UBE2D2: variants seen among roughly 807,000 people sequenced by gnomAD.
The protein encoded by UBE2D2 is ubiquitin-conjugating enzyme E2 D2.
Under a neutral mutation model 24.2 loss-of-function variants are expected in UBE2D2, and 2 were observed. The observed-to-expected ratio is 0.08, with a 90% confidence interval of 0.03 to 0.26. UBE2D2 has a LOEUF of 0.26. Among genes scored for constraint, UBE2D2 ranks in the 10% least tolerant of loss-of-function variants. The probability of loss-of-function intolerance (pLI) is 1.00; values close to 1 mark genes in which losing one functional copy is unlikely to be tolerated. For synonymous variants in UBE2D2, 58 were observed against 56.5 expected, an observed-to-expected ratio of 1.03 and a Z score of -0.12; for missense variants, 44 against 177.6, an observed-to-expected ratio of 0.25 and a Z score of 4.28.
chr5:139,541,340 G>A (rs1432631147), intron 1 of UBE2D2, among the ~76,000 whole-genome samples: 1 of 149,812 alleles, frequency 6.7e-6, no homozygotes, highest in African/African-American at 2.5e-5. Flanking sequence ...GGTGGCTCAC[G>A]CTTATAATCC....
intron 2 of UBE2D2, among the ~76,000 whole-genome samples, chr5:139,614,362 C>A (rs1030959736): frequency 2.6e-5 from 4 of 152,130 alleles, no homozygotes; most frequent in Non-Finnish European, 5.9e-5. Flanking sequence ...AGCCACCACA[C>A]CTGGCTCTAA....
At chr5:139,593,034 T>C (rs1489368727) in intron 1 of UBE2D2, among the ~76,000 whole-genome samples, 3 of 149,968 alleles carry the variant, frequency 2.0e-5, no homozygotes, top group African/African-American at 4.9e-5. Flanking sequence ...CTCGCTCTGT[T>C]ACCCAGGCTG....
chr5:139,547,633 C>T (rs1262033137), intron 1 of UBE2D2, among the ~76,000 whole-genome samples: 3 of 152,064 alleles, frequency 2.0e-5, no homozygotes, highest in Non-Finnish European at 4.4e-5. Context: ...CTCAGCCTTC[C>T]GAGTAGCTAG....
intron 1 of UBE2D2, among the ~76,000 whole-genome samples, chr5:139,550,683 C>T (rs546826486): frequency 1.3e-5 from 2 of 151,980 alleles, no homozygotes; most frequent in African/African-American, 4.8e-5. Context: ...AGCCTCAATC[C>T]TGAGGCCACC....
intron 6 of UBE2D2, 185 bp downstream of exon 6, chr5:139,623,646 T>A (rs529172408): frequency 2.2e-6 from 1 of 450,210 alleles, no homozygotes; most frequent in South Asian, 5.6e-5. Flanking sequence ...GCCAGTCTTA[T>A]CCCTGATTGT....
At chr5:139,541,006 G>A (rs1285118542) in intron 1 of UBE2D2, among the ~76,000 whole-genome samples, 1 of 147,980 alleles carries the variant, frequency 6.8e-6, no homozygotes, top group African/African-American at 2.5e-5. Flanking sequence ...AAAAAAAAAA[G>A]TCTGGATGCA....
upstream of UBE2D2, among the ~76,000 whole-genome samples, chr5:139,559,749 C>T (rs531310602): frequency 1.3e-5 from 2 of 152,192 alleles, no homozygotes; most frequent in Admixed American, 6.6e-5. Flanking sequence ...CTGCAAGGTC[C>T]TTTCTGGATG....
At chr5:139,529,477 A>C (rs1396057426) in intron 1 of UBE2D2, among the ~76,000 whole-genome samples, 1 of 152,220 alleles carries the variant, frequency 6.6e-6, no homozygotes, top group African/African-American at 2.4e-5. Flanking sequence ...AATCATATTT[A>C]TGCGAGATGT....
At chr5:139,601,886 C>T (rs1166504956) in intron 2 of UBE2D2, among the ~76,000 whole-genome samples, 15 of 140,948 alleles carry the variant, frequency 1.1e-4, no homozygotes, top group Non-Finnish European at 1.5e-4. Flanking sequence ...CTCCAGCCTG[C>T]GTGACAGAGT....
At chr5:139,561,906 C>A in intron 1 of UBE2D2, 91 bp downstream of exon 1, 1 of 1,421,746 alleles carries the variant, frequency 7.0e-7, no homozygotes, top group Non-Finnish European at 9.2e-7. Flanking sequence ...CTCGCGGCCT[C>A]CTTGGATCTT....
At chr5:139,594,442 C>A (rs573996882) in intron 1 of UBE2D2, among the ~76,000 whole-genome samples, 1 of 151,818 alleles carries the variant, frequency 6.6e-6, no homozygotes, top group East Asian at 1.9e-4. Context: ...TTTTGAGACA[C>A]AGTCTCTATT....
chr5:139,531,625 C>CAAAA (rs112323447), intron 1 of UBE2D2, among the ~76,000 whole-genome samples: 339 of 97,346 alleles, frequency 3.5e-3, no homozygotes, highest in African/African-American at 0.013. Context: ...AGACCCTATC[C>CAAAA]AAAAAAAAAA....
At chr5:139,591,881 A>G (rs1234253524) in intron 1 of UBE2D2, among the ~76,000 whole-genome samples, 1 of 152,160 alleles carries the variant, frequency 6.6e-6, no homozygotes, top group Admixed American at 6.6e-5. Context: ...TATAGTAATG[A>G]CAGACTGCTC....
chr5:139,553,068 C>T (rs1225663834), intron 1 of UBE2D2, among the ~76,000 whole-genome samples: 3 of 152,118 alleles, frequency 2.0e-5, no homozygotes, highest in Admixed American at 2.0e-4. Context: ...ATCCGCCCGC[C>T]TTGGCCTTCT....
At chr5:139,588,396 C>T (rs917178093) in intron 1 of UBE2D2, among the ~76,000 whole-genome samples, 1 of 152,118 alleles carries the variant, frequency 6.6e-6, no homozygotes, top group African/African-American at 2.4e-5. Flanking sequence ...CTGCCTCAGC[C>T]TCCCAAGTAG....
intron 6 of UBE2D2, among the ~76,000 whole-genome samples, chr5:139,625,179 T>C (rs1754590319): frequency 6.8e-6 from 1 of 147,602 alleles, no homozygotes; most frequent in Non-Finnish European, 1.5e-5. Context: ...CACCCCAGCC[T>C]CCCCAGTAGC....
chr5:139,572,142 G>A lies in UBE2D2; in HGVS notation c.24+10327G>A, dbSNP rs146629437. 1.1e-4 allele frequency among the ~76,000 whole-genome samples: 16 copies of A among 152,208 alleles called. No individual in the cohort carries two copies. In the East Asian group the frequency reaches 2.3e-3, roughly 22 times the overall value. On this transcript the variant is annotated intron_variant, in intron 1 of 6. Transcript: ENST00000398733. The stretch of plus-strand genomic sequence containing the variant: ...ATACCTAAGTTTTTATTTAACTTTC[G>A]TAATAGTTGACATGATTTTCATTCA...
chr5:139,543,117 G>A (rs563429346), intron 1 of UBE2D2, among the ~76,000 whole-genome samples: 3 of 151,940 alleles, frequency 2.0e-5, no homozygotes, highest in East Asian at 1.9e-4. Context: ...GGCTGGTCTC[G>A]AACTCCTGAC....
At chr5:139,582,322 G>T (rs1169808203) in intron 1 of UBE2D2, among the ~76,000 whole-genome samples, 1 of 151,850 alleles carries the variant, frequency 6.6e-6, no homozygotes, top group African/African-American at 2.4e-5. Context: ...GAGTGCAGTG[G>T]TATGATCTTA....
Sources: gnomAD v4.1 joint callset for allele counts (sites outside exome capture counted in the v4.1 genomes callset) on GRCh38, gnomAD v4.1.1 for gene constraint, MANE v1.5 for transcripts, NCBI Gene and HGNC (gene_info 2026-07-23, HGNC 2026-07-21) for gene names.